The following PFKFB3 variants were observed in gnomAD, a reference collection of about 807,000 sequenced individuals.
The protein encoded by PFKFB3 is 6-phosphofructo-2-kinase/fructose-2,6-bisphosphatase 3.
A neutral mutation model predicts 68.0 loss-of-function variants in PFKFB3; 33 were observed. That is an observed-to-expected ratio of 0.49 (90% CI 0.37 to 0.65). The LOEUF is 0.65. Among genes scored for constraint, PFKFB3 ranks in the 30% least tolerant of loss-of-function variants. The probability of loss-of-function intolerance (pLI) is 0.00; values close to 1 mark genes in which losing one functional copy is unlikely to be tolerated. For missense variants in PFKFB3, 586 were observed against 712.2 expected (o/e 0.82, Z 2.02); for synonymous variants, 315 against 288.2 (o/e 1.09, Z -0.94).
At chr10:6,176,678 A>C (rs1159291953) in intron 1 of PFKFB3, among the ~76,000 whole-genome samples, 1 of 151,956 alleles carries the variant, frequency 6.6e-6, no homozygotes, top group East Asian at 1.9e-4. Context: ...GCACCACCAC[A>C]CCCGGCCTCC....
chr10:6,317,488 CA>C, the PFKFB3 span, among the ~76,000 whole-genome samples: 3 of 152,102 alleles, frequency 2.0e-5, no homozygotes, highest in Admixed American at 2.0e-4. Flanking sequence ...TTGTCCAACT[CA>C]ATCAGGGCAA....
chr10:6,173,541 G>A (rs766106900), intron 1 of PFKFB3, among the ~76,000 whole-genome samples: 1 of 152,146 alleles, frequency 6.6e-6, no homozygotes, highest in Non-Finnish European at 1.5e-5. Flanking sequence ...ATATGCTCAC[G>A]TGAAAAGGTG....
chr10:6,163,208 A>G (rs377741826), intron 1 of PFKFB3, among the ~76,000 whole-genome samples: 5 of 152,266 alleles, frequency 3.3e-5, no homozygotes, highest in Admixed American at 6.5e-5. Flanking sequence ...CAGACATTCA[A>G]TGCAGAGGTG....
chr10:6,163,505 T>G (rs1842024223), intron 1 of PFKFB3, among the ~76,000 whole-genome samples: 1 of 151,630 alleles, frequency 6.6e-6, no homozygotes. Context: ...GGCGGGTAGG[T>G]GGGGACCCAG....
chr10:6,201,936 C>T (rs1564614240), upstream of PFKFB3, among the ~76,000 whole-genome samples: 2 of 152,154 alleles, frequency 1.3e-5, no homozygotes, highest in Admixed American at 6.5e-5. This position sits in a 1 kb window ranked among gnomAD's most constrained non-coding sequence, Gnocchi z 4.1. Flanking sequence ...GGAAAGGAGA[C>T]GGGGCACGCA....
the PFKFB3 span, among the ~76,000 whole-genome samples, chr10:6,291,159 A>G: frequency 2.0e-5 from 3 of 152,228 alleles, no homozygotes; most frequent in Admixed American, 6.5e-5. Flanking sequence ...ATTACTAGAA[A>G]AATATTCTAA....
the PFKFB3 span, among the ~76,000 whole-genome samples, chr10:6,286,711 T>G: frequency 1.3e-5 from 2 of 152,250 alleles, no homozygotes; most frequent in South Asian, 2.1e-4. Context: ...TTTAGACCAT[T>G]CACATTTAAA....
chr10:6,270,420 C>G, the PFKFB3 span, among the ~76,000 whole-genome samples: 1 of 152,162 alleles, frequency 6.6e-6, no homozygotes, highest in African/African-American at 2.4e-5. Context: ...TTTAAAAGCC[C>G]TTCAATGGTT....
chr10:6,278,148 C>T, the PFKFB3 span, among the ~76,000 whole-genome samples: 42 of 151,856 alleles, frequency 2.8e-4, no homozygotes, highest in Admixed American at 2.6e-3. Flanking sequence ...GATCTCTTGA[C>T]CTTGTGATCC....
rs749299504 is a variant in PFKFB3, at chr10:6,217,162, G to A, written c.469G>A (p.Asp157Asn). The A allele has an allele frequency of 2.4e-5, 38 of 1,614,116 alleles. No homozygotes were observed. Among genetic ancestry groups the A allele is most frequent in the Non-Finnish European group, 3.1e-5 (36 of 1,179,988 alleles). Reference protein sequence around the residue: ...KAFFIESVCDDPTVVASNIME... With the variant: ...KAFFIESVCDNPTVVASNIME... ...GTTTTTCATCGAGTCGGTGTGCGAC[G>A]ACCCTACAGTTGTGGCCTCCAATAT... The change falls in exon 6 of 15, where the codon GAC (aspartate) becomes AAC (asparagine). Residue 157 changes from aspartate to asparagine, a missense_variant. Coordinates refer to ENST00000379775, the MANE Select transcript of PFKFB3 (RefSeq NM_004566.4).
the PFKFB3 span, among the ~76,000 whole-genome samples, chr10:6,262,026 A>C: frequency 0.011 from 1,612 of 151,246 alleles, 16 homozygotes; most frequent in Non-Finnish European, 0.015. Context: ...AAACAAAAAA[A>C]AAAACACAAA....
At chr10:6,289,535 G>C in the PFKFB3 span, among the ~76,000 whole-genome samples, 1 of 151,982 alleles carries the variant, frequency 6.6e-6, no homozygotes. Flanking sequence ...CATTATTTCT[G>C]AGGGCTCTGT....
At chr10:6,206,726 A>G (rs1464285764) in intron 1 of PFKFB3, among the ~76,000 whole-genome samples, 1 of 135,614 alleles carries the variant, frequency 7.4e-6, no homozygotes, top group African/African-American at 2.9e-5. Context: ...CCTAGATGGG[A>G]TGGCGGCCAG....
the PFKFB3 span, among the ~76,000 whole-genome samples, chr10:6,297,758 A>G: frequency 1.8e-4 from 27 of 152,246 alleles, no homozygotes; most frequent in East Asian, 4.8e-3. Flanking sequence ...GATCGAGGAT[A>G]CTTTTGAGTA....
the PFKFB3 span, among the ~76,000 whole-genome samples, chr10:6,308,441 G>T: frequency 6.6e-6 from 1 of 152,136 alleles, no homozygotes; most frequent in South Asian, 2.1e-4. Context: ...GCTTGAACCT[G>T]GGAGACAGAG....
At chr10:6,265,082 A>AT in the PFKFB3 span, among the ~76,000 whole-genome samples, 100,966 of 134,286 alleles carry the variant, frequency 0.75, 38,501 homozygotes, top group Non-Finnish European at 0.79. Flanking sequence ...TTTTTCTTTC[A>AT]TTTTTTTTTT....
At chr10:6,219,388 A>T (rs1844798460) in intron 6 of PFKFB3, 181 bp from the exon 7 acceptor site, 1 of 601,562 alleles carries the variant, frequency 1.7e-6, no homozygotes, top group Non-Finnish European at 2.9e-6. Flanking sequence ...AATCCTCCCC[A>T]TGTAACATCA....
the PFKFB3 span, chr10:6,277,692 T>G: frequency 1.7e-5 from 6 of 357,986 alleles, no homozygotes; most frequent in Non-Finnish European, 2.8e-5. Context: ...GCCATGATTG[T>G]AAGTTTCCTG....
At chr10:6,180,118 G>A (rs1029878485) in intron 1 of PFKFB3, among the ~76,000 whole-genome samples, 2 of 152,142 alleles carry the variant, frequency 1.3e-5, no homozygotes, top group African/African-American at 2.4e-5. Context: ...CAAGGCAAGA[G>A]GATTGCTTGA....
Sources: gnomAD v4.1 joint callset for allele counts (sites outside exome capture counted in the v4.1 genomes callset) on GRCh38, gnomAD v4.1.1 for gene constraint, Gnocchi (gnomAD v3.1) non-coding constraint, MANE v1.5 for transcripts, NCBI Gene and HGNC (gene_info 2026-07-23, HGNC 2026-07-21) for gene names.